ATP2A3: variants seen among roughly 807,000 people sequenced by gnomAD.
ATP2A3 encodes ATPase sarcoplasmic/endoplasmic reticulum Ca2+ transporting 3.
ATP2A3 carries 61 observed loss-of-function variants against 106.8 expected under a neutral mutation model. The observed-to-expected ratio is 0.57, with a 90% confidence interval of 0.46 to 0.71. The LOEUF is 0.71. Among genes scored for constraint, ATP2A3 ranks in the 30% least tolerant of loss-of-function variants. ATP2A3 has a pLI of 0.00. For missense variants in ATP2A3, 1,201 were observed against 1,423.5 expected (o/e 0.84, Z 2.52); for synonymous variants, 611 against 609.3 (o/e 1.00, Z -0.04).
rs754592975 is a variant in ATP2A3, at chr17:3,930,471, T to C, written c.2611-37A>G. Reference sequence around the variant, plus strand: ...GTGGCAGGTCAGAGAGAGCGGCAGGTCAGGCGAGGGGCTGGTGGGTGGGAG... The same window carrying C: ...GTGGCAGGTCAGAGAGAGCGGCAGGCCAGGCGAGGGGCTGGTGGGTGGGAG... On this transcript the variant is annotated intron_variant, in intron 17 of 20. Coordinates refer to ENST00000397041, the MANE Select transcript of ATP2A3 (RefSeq NM_005173.4). This position sits in a 1 kb window ranked among gnomAD's most constrained non-coding sequence, Gnocchi z 5.4. 1 of 1,610,444 alleles carries C rather than the reference T, an allele frequency of 6.2e-7. No homozygotes were observed. Among genetic ancestry groups the C allele is most frequent in the Non-Finnish European group, 8.5e-7 (1 of 1,179,308 alleles).
At chr17:3,957,957 G>C (rs2054876756) in intron 1 of ATP2A3, among the ~76,000 whole-genome samples, 2 of 151,398 alleles carry the variant, frequency 1.3e-5, no homozygotes, top group South Asian at 4.1e-4. Flanking sequence ...GGTGACCCCT[G>C]CCTGGCTCAT....
Position 3,964,284 on chromosome 17 carries a change from G to A in ATP2A3, c.8C>T (p.Ala3Val), listed in dbSNP as rs1270876834. The change falls in exon 1 of 21, where the codon GCG (alanine) becomes GTG (valine). Residue 3 changes from alanine (A) to valine (V), a missense_variant. Coordinates refer to ENST00000397041, the MANE Select transcript of ATP2A3 (RefSeq NM_005173.4). ...GTCGGCGGCCGGGAGCAGATGCGCC[G>A]CCTCCATGCCGCCCGCCCGGCCGTC... MEAAHLLPAADVL... is the reference protein window; with the variant it reads MEVAHLLPAADVL... The A allele has an allele frequency of 2.4e-6, 3 of 1,263,790 alleles. No individual in the cohort carries two copies. The highest frequency in any genetic ancestry group is 3.0e-6 in the Non-Finnish European group (3 of 991,190). The allele number at this position is 1,263,790 out of a possible 1,614,324, so 78.3% of individuals were successfully genotyped here. A position where few individuals can be genotyped will look rare whatever the true frequency, so the allele number is the denominator to read the frequency against.
Position 3,951,564 on chromosome 17 carries a change from C to G in ATP2A3, c.324+17G>C. On this transcript the variant is annotated intron_variant, in intron 4 of 20. Coordinates refer to ENST00000397041, the MANE Select transcript of ATP2A3 (RefSeq NM_005173.4). ...GGAGACCGCCCCCCGCCCGGTCCCACCCCCAGTGCCTCCCACCTGCCACAC... is the reference window on the plus strand; with the variant it reads ...GGAGACCGCCCCCCGCCCGGTCCCAGCCCCAGTGCCTCCCACCTGCCACAC... 1.9e-6 allele frequency: 3 copies of G among 1,548,486 alleles called. No homozygotes were observed. Among genetic ancestry groups the G allele is most frequent in the Non-Finnish European group, 2.6e-6 (3 of 1,141,774 alleles).
At position 3,961,787 on chromosome 17, in the gene ATP2A3, A is replaced by G. The variant is rs914393881; in HGVS notation, c.118+2387T>C. Among the ~76,000 whole-genome samples, 4 of 152,288 alleles carry G rather than the reference A, an allele frequency of 2.6e-5. 1 individual carries two copies. Among genetic ancestry groups the G allele is most frequent in the Admixed American group, 6.5e-5 (1 of 15,294 alleles). On this transcript the variant is annotated intron_variant, in intron 1 of 20. Coordinates refer to ENST00000397041, the MANE Select transcript of ATP2A3 (RefSeq NM_005173.4). ...ATGACTTGGTGTCTGTGACCTCACT[A>G]AAGACTCACAAACAACCCTGGGAGA...
rs2053993882 is a variant in ATP2A3 at position 3,944,772 on chromosome 17, A to G, written c.1219T>C (p.Phe407Leu). Residue 407 changes from phenylalanine to leucine, a missense_variant, in exon 10 of 21, where the codon TTC (phenylalanine) becomes CTC (leucine). By Grantham distance (22) the Phe-to-Leu change is conservative (BLOSUM62 0). Transcript: ENST00000397041. ...GTCGCCAGCTCCACCAGCCCGTCGA[A>G]CTGGCCGCAGCGCACAGGCTGATCC... ...QGDQPVRCGQ[F>L]DGLVELATIC... 1 of 1,612,436 alleles carries G rather than the reference A, an allele frequency of 6.2e-7. No homozygotes were observed. Among genetic ancestry groups the G allele is most frequent in the South Asian group, 1.1e-5 (1 of 91,014 alleles).
At chr17:3,940,043 G>GTTTTTTTTTT (rs1294599615) in intron 14 of ATP2A3, among the ~76,000 whole-genome samples, 6 of 87,612 alleles carry the variant, frequency 6.8e-5, no homozygotes, top group Non-Finnish European at 1.1e-4. Flanking sequence ...TTTTTTTTTT[G>GTTTTTTTTTT]TTTTTTGTTT....
rs901887927 is a variant in ATP2A3, at chr17:3,924,983, G to C, written c.*439C>G. ...AGAGAGAGGTCAGAGCCGGTAAGAA[G>C]GACCCCCAGAGTCCTCCGTCAGTGC... On this transcript the variant is annotated 3_prime_UTR_variant, in exon 21 of 21. Coordinates refer to ENST00000397041, the MANE Select transcript of ATP2A3 (RefSeq NM_005173.4). This position sits in a 1 kb window ranked among gnomAD's most constrained non-coding sequence, Gnocchi z 6.4. 1.5e-5 allele frequency: 6 copies of C among 387,916 alleles called. No homozygotes were observed. The highest frequency in any genetic ancestry group is 7.9e-5 in the South Asian group (4 of 50,544). The allele number at this position is 387,916 out of a possible 1,614,324, so 24.0% of individuals were successfully genotyped here. A position where few individuals can be genotyped will look rare whatever the true frequency, so the allele number is the denominator to read the frequency against.
chr17:3,953,190 A>G lies in ATP2A3; in HGVS notation c.219+157T>C. On this transcript the variant is annotated intron_variant, in intron 3 of 20. Transcript: ENST00000397041. This position sits in a 1 kb window ranked among gnomAD's most constrained non-coding sequence, Gnocchi z 5.1. Reference sequence around the variant, plus strand: ...GGGCCATGAGGGTTCAGGCAAGGGAAGCTGAAGTCTGAGCAGGGCAGGGCC... The same window carrying G: ...GGGCCATGAGGGTTCAGGCAAGGGAGGCTGAAGTCTGAGCAGGGCAGGGCC... 1 of 816,320 alleles carries G rather than the reference A, an allele frequency of 1.2e-6. No homozygotes were observed. The highest frequency in any genetic ancestry group is 2.6e-5 in the East Asian group (1 of 39,194). The allele number at this position is 816,320 out of a possible 1,614,324, so 50.6% of individuals were successfully genotyped here.
At position 3,937,701 on chromosome 17, in the gene ATP2A3, A is replaced by C. The variant is rs115444906; in HGVS notation, c.2101-65T>G. ...CCCTTCCACCTCCCCATCTCTTCTC[A>C]ACTCAGCCCACCCCCAATCTTAGGG... On this transcript the variant is annotated intron_variant, in intron 14 of 20. Coordinates refer to ENST00000397041, the MANE Select transcript of ATP2A3 (RefSeq NM_005173.4). 2.1e-3 allele frequency: 3,137 copies of C among 1,499,656 alleles called. 57 individuals are homozygous for C. The African/African-American group carries it at 0.039, about 18-fold the overall frequency. 92.9% of individuals were successfully genotyped at this position (1,499,656 alleles called of 1,614,324 possible). A position where few individuals can be genotyped will look rare whatever the true frequency, so the allele number is the denominator to read the frequency against.
chr17:3,960,611 A>G (rs3826481), intron 1 of ATP2A3, among the ~76,000 whole-genome samples: 25,675 of 152,222 alleles, frequency 0.17, 3,001 homozygotes, highest in African/African-American at 0.32. Flanking sequence ...TGGGCAGCCC[A>G]TTTGGTGGCT....
chr17:3,964,128 C>T, intron 1 of ATP2A3, 46 bp downstream of exon 1: 1 of 1,027,254 alleles, frequency 9.7e-7, no homozygotes, highest in South Asian at 4.4e-5. Context: ...GAGACTGCGG[C>T]GCGCGCGGCC....
rs907743668 is a variant in ATP2A3 at position 3,926,869 on chromosome 17, C to T, written c.2981-1428G>A. The stretch of plus-strand genomic sequence containing the variant: ...CAGGTGTGAGCCACTGCACCCGGCC[C>T]GTTAGTCTCACCCCCTCTTGCCTGT... On this transcript the variant is annotated intron_variant, in intron 20 of 20. Transcript: ENST00000397041. The surrounding 1 kb of genome is among the most constrained non-coding windows in gnomAD (Gnocchi z 4.6). 30 of 985,252 alleles carry T rather than the reference C, an allele frequency of 3.0e-5. No homozygotes were observed. Among genetic ancestry groups the T allele is most frequent in the Non-Finnish European group, 3.0e-5 (25 of 829,912 alleles). 61.0% of individuals were successfully genotyped at this position (985,252 alleles called of 1,614,324 possible).
At chr17:3,959,512 C>G (rs889346852) in intron 1 of ATP2A3, among the ~76,000 whole-genome samples, 1 of 152,212 alleles carries the variant, frequency 6.6e-6, no homozygotes, top group Non-Finnish European at 1.5e-5. Context: ...AAGCGATGCC[C>G]CTGGGCTGCC....
rs932566067 is a variant in ATP2A3 at position 3,924,607 on chromosome 17, C to T, written c.*815G>A. On this transcript the variant is annotated 3_prime_UTR_variant, in exon 21 of 21. Coordinates refer to ENST00000397041, the MANE Select transcript of ATP2A3 (RefSeq NM_005173.4). This position sits in a 1 kb window ranked among gnomAD's most constrained non-coding sequence, Gnocchi z 6.4. ...ACGCGGGTGGCAAGTTGGACCTCTG[C>T]GTGGCAGACCGGGCGGCAGTGTGAC... 4.9e-5 allele frequency: 18 copies of T among 366,406 alleles called. No homozygotes were observed. In the East Asian group the frequency reaches 5.4e-4, roughly 11 times the overall value. The allele number at this position is 366,406 out of a possible 1,614,324, so 22.7% of individuals were successfully genotyped here.
chr17:3,941,446 A>G lies in ATP2A3; in HGVS notation c.1754T>C (p.Val585Ala). 1 of 1,614,110 alleles carries G rather than the reference A, an allele frequency of 6.2e-7. No individual in the cohort carries two copies. The highest frequency in any genetic ancestry group is 8.5e-7 in the Non-Finnish European group (1 of 1,180,006). The change falls in exon 13 of 21, where the codon GTG becomes GCG. Residue 585 changes from valine to alanine, a missense_variant. Physicochemically the swap from Val to Ala is moderately conservative, Grantham distance 64. Transcript: ENST00000397041. ...DMELDDCSKF[V>A]QYETDLTFVG... is the part of the protein sequence containing the mutation. ...GGCTCCTGCACCCACCTCGTACTGC[A>G]CAAACTTGCTGCAGTCGTCCAGCTC...
chr17:3,953,262 C>A lies in ATP2A3; in HGVS notation c.219+85G>T. 6.8e-7 allele frequency: 1 copy of A among 1,460,804 alleles called. No homozygotes were observed. Among genetic ancestry groups the A allele is most frequent in the Non-Finnish European group, 9.6e-7 (1 of 1,041,894 alleles). The allele number at this position is 1,460,804 out of a possible 1,614,324, so 90.5% of individuals were successfully genotyped here. A position where few individuals can be genotyped will look rare whatever the true frequency, so the allele number is the denominator to read the frequency against. On this transcript the variant is annotated intron_variant, in intron 3 of 20. Transcript: ENST00000397041. This position sits in a 1 kb window ranked among gnomAD's most constrained non-coding sequence, Gnocchi z 5.1. ...CCAGGGTGTGGAGGACAGGCCCAGG[C>A]TCCAGGACCTCGGAGCACTGCCCAG...
Position 3,955,425 on chromosome 17 carries a change from T to A in ATP2A3, c.119-1715A>T, listed in dbSNP as rs966311576. The stretch of plus-strand genomic sequence containing the variant: ...GCCTAAAAATACACTTTCTAGCATT[T>A]TCTCCAAAGTCCTATTTTCGGCAGT... On this transcript the variant is annotated intron_variant, in intron 1 of 20. Coordinates refer to ENST00000397041, the MANE Select transcript of ATP2A3 (RefSeq NM_005173.4). The surrounding 1 kb of genome is among the most constrained non-coding windows in gnomAD (Gnocchi z 4.2). Among the ~76,000 whole-genome samples, 1 of 152,208 alleles carries A rather than the reference T, an allele frequency of 6.6e-6. No individual in the cohort carries two copies. The highest frequency in any genetic ancestry group is 2.4e-5 in the African/African-American group (1 of 41,460).
chr17:3,939,871 C>T (rs1356644311), intron 14 of ATP2A3, among the ~76,000 whole-genome samples: 1 of 147,234 alleles, frequency 6.8e-6, no homozygotes, highest in Non-Finnish European at 1.5e-5. Flanking sequence ...CCAAAACAGT[C>T]CATACTGTAT....
intron 9 of ATP2A3, 64 bp downstream of exon 9, chr17:3,944,996 G>C: frequency 7.3e-7 from 1 of 1,360,750 alleles, no homozygotes; most frequent in Non-Finnish European, 9.5e-7. Context: ...GGCCACCTCG[G>C]CGCCGCCACG....
Sources: gnomAD v4.1 joint callset for allele counts (sites outside exome capture counted in the v4.1 genomes callset) on GRCh38, gnomAD v4.1.1 for gene constraint, Gnocchi (gnomAD v3.1) non-coding constraint, MANE v1.5 for transcripts, NCBI Gene and HGNC (gene_info 2026-07-23, HGNC 2026-07-21) for gene names.